ZDHHC17: variants seen among roughly 807,000 people sequenced by gnomAD.
ZDHHC17 encodes zDHHC palmitoyltransferase 17, also known as palmitoyltransferase ZDHHC17.
Under a neutral mutation model 90.3 loss-of-function variants are expected in ZDHHC17, and 40 were observed. The observed-to-expected ratio is 0.44, with a 90% confidence interval of 0.34 to 0.58. ZDHHC17 has a LOEUF of 0.58. ZDHHC17 is among the 20% of genes least tolerant of loss of function. The pLI is 0.01. For synonymous variants in ZDHHC17, 235 were observed against 252.4 expected (o/e 0.93, Z 0.65); for missense variants, 614 against 780.8 (o/e 0.79, Z 2.55).
intron 2 of ZDHHC17, among the ~76,000 whole-genome samples, chr12:76,800,743 A>C (rs187448272): frequency 4.6e-5 from 7 of 152,120 alleles, no homozygotes; most frequent in Admixed American, 2.6e-4. Flanking sequence ...TTGGATCTAA[A>C]GTGTGTCTGT....
rs888559719 is a variant in ZDHHC17 at position 76,772,283 on chromosome 12, AT to A, written c.93+7960del. ...GGTCTCATTTGTGTTTTGTTTTTGA[AT>A]TTTTTGAACAGACTTAATTTTTTAA... On this transcript the variant is annotated intron_variant, in intron 1 of 16. Coordinates refer to ENST00000426126, the MANE Select transcript of ZDHHC17 (RefSeq NM_015336.4). 7.2e-5 allele frequency among the ~76,000 whole-genome samples: 11 copies of A among 152,188 alleles called. No individual in the cohort carries two copies. The Middle Eastern group carries it at 0.01, about 141-fold the overall frequency.
At chr12:76,780,661 G>A (rs1308458551) in intron 1 of ZDHHC17, among the ~76,000 whole-genome samples, 1 of 152,080 alleles carries the variant, frequency 6.6e-6, no homozygotes, top group African/African-American at 2.4e-5. Flanking sequence ...CAAGTAATGT[G>A]ACCTCTATAT....
chr12:76,827,347 T>C (rs537898574), intron 9 of ZDHHC17, among the ~76,000 whole-genome samples: 14 of 152,294 alleles, frequency 9.2e-5, no homozygotes, highest in Admixed American at 8.5e-4. Flanking sequence ...ACATACATAT[T>C]GTTAATTTCC....
At chr12:76,814,337 G>C (rs1410612306) in intron 5 of ZDHHC17, among the ~76,000 whole-genome samples, 1 of 151,624 alleles carries the variant, frequency 6.6e-6, no homozygotes, top group Non-Finnish European at 1.5e-5. Flanking sequence ...GAAAAATAGT[G>C]GTTTATTACA....
intron 10 of ZDHHC17, among the ~76,000 whole-genome samples, chr12:76,836,556 T>C (rs1329539885): frequency 1.3e-5 from 2 of 152,180 alleles, no homozygotes; most frequent in Non-Finnish European, 2.9e-5. Context: ...TGTTTCCTTT[T>C]GTCTGCTTGT....
chr12:76,775,754 T>C (rs1276131263), intron 1 of ZDHHC17, among the ~76,000 whole-genome samples: 6 of 152,202 alleles, frequency 3.9e-5, no homozygotes, highest in African/African-American at 1.4e-4. Context: ...TGTTTTATAA[T>C]CTTTACTTAC....
intron 11 of ZDHHC17, among the ~76,000 whole-genome samples, chr12:76,842,560 T>C (rs1953447987): frequency 6.6e-6 from 1 of 152,176 alleles, no homozygotes; most frequent in Non-Finnish European, 1.5e-5. Flanking sequence ...AATATTATAA[T>C]CTAACAATGT....
At position 76,849,319 on chromosome 12, in the gene ZDHHC17, G is replaced by A. The variant is rs530390642; in HGVS notation, c.1666-57G>A. The A allele has an allele frequency of 1.9e-4, 81 of 417,866 alleles. 1 individual carries two copies. Among genetic ancestry groups the A allele is most frequent in the Non-Finnish European group, 2.7e-4 (74 of 278,854 alleles). The allele number at this position is 417,866 out of a possible 1,614,324, so 25.9% of individuals were successfully genotyped here. On this transcript the variant is annotated intron_variant, in intron 15 of 16. Coordinates refer to ENST00000426126, the MANE Select transcript of ZDHHC17 (RefSeq NM_015336.4). ...AGCCTGGGTGACAGGGCAAGGTCCTGTCTCAAAAAAAAAAAAAAAAAACAA... is the reference window on the plus strand; with the variant it reads ...AGCCTGGGTGACAGGGCAAGGTCCTATCTCAAAAAAAAAAAAAAAAAACAA...
At chr12:76,782,596 C>T (rs1172954460) in intron 1 of ZDHHC17, among the ~76,000 whole-genome samples, 1 of 152,060 alleles carries the variant, frequency 6.6e-6, no homozygotes. Context: ...GACACAACCT[C>T]AGATATGTTC....
chr12:76,826,663 A>G (rs1327101499), intron 8 of ZDHHC17, among the ~76,000 whole-genome samples: 2 of 152,156 alleles, frequency 1.3e-5, no homozygotes, highest in Non-Finnish European at 2.9e-5. Flanking sequence ...ATATTTAACC[A>G]TATAGAACCA....
At position 76,815,912 on chromosome 12, in the gene ZDHHC17, A is replaced by G; in HGVS notation, c.664A>G (p.Lys222Glu). 6 of 1,583,092 alleles carry G rather than the reference A, an allele frequency of 3.8e-6. No homozygotes were observed. Among genetic ancestry groups the G allele is most frequent in the Non-Finnish European group, 5.2e-6 (6 of 1,162,886 alleles). The change falls in exon 7 of 17, where the codon AAG (lysine) becomes GAG (glutamate). Residue 222 changes from lysine (K) to glutamate (E), a missense_variant. Physicochemically the swap from Lys to Glu is moderately conservative, Grantham distance 56 (BLOSUM62 1). Around this residue, in one of 5 missense-constraint regions of ZDHHC17, gnomAD observed 358 missense variants for 380.4 expected, o/e 0.94. Coordinates refer to ENST00000426126, the MANE Select transcript of ZDHHC17 (RefSeq NM_015336.4). ...CAATGTTTCAGTTAACCTTGGTGACAAGTATCACAAAAACACTGCTCTGCA... is the reference window on the plus strand; with the variant it reads ...CAATGTTTCAGTTAACCTTGGTGACGAGTATCACAAAAACACTGCTCTGCA... ...TFNVSVNLGD[K>E]YHKNTALHWA...
chr12:76,803,729 G>GA (rs1952921032), intron 2 of ZDHHC17, among the ~76,000 whole-genome samples: 1 of 152,292 alleles, frequency 6.6e-6, no homozygotes, highest in Admixed American at 6.5e-5. Context: ...ATGTTGACTT[G>GA]ATAGGAGTCC....
intron 7 of ZDHHC17, among the ~76,000 whole-genome samples, chr12:76,819,009 G>T (rs537147617): frequency 1.8e-4 from 27 of 152,278 alleles, no homozygotes; most frequent in African/African-American, 5.5e-4. Flanking sequence ...AGGATCAGAG[G>T]AGTAGAGGTA....
intron 2 of ZDHHC17, among the ~76,000 whole-genome samples, chr12:76,799,887 A>G (rs545489857): frequency 6.6e-6 from 1 of 152,340 alleles, no homozygotes; most frequent in African/African-American, 2.4e-5. Context: ...GAATATTTGC[A>G]CATACACAAT....
At chr12:76,833,108 A>T (rs1953324520) in intron 10 of ZDHHC17, among the ~76,000 whole-genome samples, 1 of 152,088 alleles carries the variant, frequency 6.6e-6, no homozygotes, top group Non-Finnish European at 1.5e-5. Flanking sequence ...ATTGATGTAA[A>T]CTGTTTGTTC....
At chr12:76,846,706 T>C in intron 14 of ZDHHC17, 27 bp downstream of exon 14, 1 of 1,545,872 alleles carries the variant, frequency 6.5e-7, no homozygotes, top group Non-Finnish European at 8.8e-7. Context: ...TTCGGTCTTT[T>C]TAAAACAAAT....
intron 1 of ZDHHC17, among the ~76,000 whole-genome samples, chr12:76,782,540 C>T (rs898065367): frequency 6.6e-6 from 1 of 152,162 alleles, no homozygotes; most frequent in African/African-American, 2.4e-5. Flanking sequence ...GCTGTTCAGT[C>T]TAGTGACATC....
chr12:76,842,077 A>G lies in ZDHHC17; in HGVS notation c.1237A>G (p.Ile413Val), dbSNP rs529694877. Residue 413 changes from isoleucine (I) to valine (V), a missense_variant, in exon 11 of 17, where the codon ATT (isoleucine) becomes GTT (valine). Physicochemically the swap from Ile to Val is conservative, Grantham distance 29 (BLOSUM62 3). Transcript: ENST00000426126. ...ATCTTGGAAATCAGATCCAGGGATT[A>G]TTAAAGCAACAGAAGAGCAAAAGAA... ...GKSWKSDPGI[I>V]KATEEQKKKT... is the part of the protein sequence containing the mutation. The G allele has an allele frequency of 1.9e-5, 30 of 1,591,748 alleles. 1 individual carries two copies. In the South Asian group the frequency reaches 3.1e-4, roughly 16 times the overall value.
chr12:76,793,286 C>T (rs1952781501), intron 1 of ZDHHC17, among the ~76,000 whole-genome samples: 1 of 152,090 alleles, frequency 6.6e-6, no homozygotes. Context: ...TTTGGGAGGC[C>T]GAAGTGGTAG....
Sources: gnomAD v4.1 joint callset for allele counts (sites outside exome capture counted in the v4.1 genomes callset) on GRCh38, gnomAD v4.1.1 for gene constraint, gnomAD v4.1.1 regional missense constraint, MANE v1.5 for transcripts, NCBI Gene and HGNC (gene_info 2026-07-23, HGNC 2026-07-21) for gene names.